Variants in ALK observed in about 807,000 individuals in gnomAD.
The protein encoded by ALK is ALK tyrosine kinase receptor.
A neutral mutation model predicts 163.1 loss-of-function variants in ALK; 74 were observed. The ratio of observed to expected loss-of-function variants is 0.45; its 90% CI spans 0.38 to 0.55. The LOEUF (loss-of-function observed/expected upper bound fraction) is 0.55. Ranked by LOEUF, ALK falls within the 20% of genes least tolerant of loss-of-function variation. The pLI is 0.00. For missense variants in ALK, 2,063 were observed against 2,105.3 expected (o/e 0.98, Z 0.39); for synonymous variants, 960 against 843.2 (o/e 1.14, Z -2.40).
chr2:29,563,860 A>C (rs1047580441), intron 3 of ALK, among the ~76,000 whole-genome samples: 17 of 152,170 alleles, frequency 1.1e-4, no homozygotes, highest in African/African-American at 4.1e-4. Flanking sequence ...TTTTCTAATG[A>C]TTTACAGAAG....
At chr2:29,517,706 A>T (rs976379947) in intron 4 of ALK, among the ~76,000 whole-genome samples, 2 of 152,220 alleles carry the variant, frequency 1.3e-5, no homozygotes, top group African/African-American at 4.8e-5. Context: ...CATGATTATC[A>T]GGATTGCAGC....
intron 28 of ALK, among the ~76,000 whole-genome samples, chr2:29,196,444 C>T (rs1300611663): frequency 6.6e-6 from 1 of 152,148 alleles, no homozygotes; most frequent in Non-Finnish European, 1.5e-5. Context: ...AGATGTGTTC[C>T]ATACGTCTGT....
chr2:29,510,930 G>T (rs1028326494), intron 4 of ALK, among the ~76,000 whole-genome samples: 1 of 152,048 alleles, frequency 6.6e-6, no homozygotes, highest in Admixed American at 6.6e-5. Context: ...CAGACTGAAG[G>T]GTAGGTAAGG....
chr2:29,378,226 T>C (rs1311791477), intron 5 of ALK, among the ~76,000 whole-genome samples: 1 of 152,226 alleles, frequency 6.6e-6, no homozygotes, highest in Non-Finnish European at 1.5e-5. Flanking sequence ...ATTGATTTCT[T>C]AGAAAAATTG....
At chr2:29,441,985 AT>A (rs749324212) in intron 4 of ALK, among the ~76,000 whole-genome samples, 3 of 152,190 alleles carry the variant, frequency 2.0e-5, no homozygotes, top group Non-Finnish European at 2.9e-5. Flanking sequence ...ATTAACACTA[AT>A]TGAGAAGCAG....
intron 11 of ALK, among the ~76,000 whole-genome samples, chr2:29,262,399 C>T (rs1014124675): frequency 1.6e-4 from 25 of 152,150 alleles, no homozygotes; most frequent in African/African-American, 5.8e-4. Flanking sequence ...TGCATGTGCA[C>T]CTGTGAGCGC....
intron 4 of ALK, among the ~76,000 whole-genome samples, chr2:29,484,265 G>C (rs1671729831): frequency 6.6e-6 from 1 of 152,072 alleles, no homozygotes; most frequent in Non-Finnish European, 1.5e-5. Flanking sequence ...TTCTTAACAT[G>C]ATTTCTGTTG....
At chr2:29,856,568 T>C (rs11897887) in intron 1 of ALK, among the ~76,000 whole-genome samples, 1 of 152,192 alleles carries the variant, frequency 6.6e-6, no homozygotes, top group Non-Finnish European at 1.5e-5. Context: ...GAATAGATAT[T>C]GGAACCCAGG....
At chr2:29,895,696 G>A (rs6731938) in intron 1 of ALK, among the ~76,000 whole-genome samples, 103,413 of 152,136 alleles carry the variant, frequency 0.68, 35,919 homozygotes, top group Non-Finnish European at 0.76. Context: ...CAGTGGCTTA[G>A]TTCAGGAGAT....
chr2:29,453,281 G>C (rs1223306577), intron 4 of ALK, among the ~76,000 whole-genome samples: 1 of 152,168 alleles, frequency 6.6e-6, no homozygotes, highest in Non-Finnish European at 1.5e-5. Flanking sequence ...GCCCAGGGTA[G>C]AGTGCAATGG....
At chr2:29,326,844 G>A (rs989353661) in intron 6 of ALK, among the ~76,000 whole-genome samples, 2 of 152,186 alleles carry the variant, frequency 1.3e-5, no homozygotes, top group Non-Finnish European at 2.9e-5. Context: ...GTTTTAAAAC[G>A]TATTTTGGAA....
chr2:29,322,606 G>A (rs1407254543), intron 6 of ALK, among the ~76,000 whole-genome samples: 4 of 152,228 alleles, frequency 2.6e-5, no homozygotes, highest in Non-Finnish European at 4.4e-5. Flanking sequence ...GGCTGAGGCA[G>A]GCAGATCACC....
At chr2:29,278,982 G>T (rs1036940266) in intron 9 of ALK, among the ~76,000 whole-genome samples, 3 of 24,392 alleles carry the variant, frequency 1.2e-4, no homozygotes, top group African/African-American at 1.6e-4. Flanking sequence ...GTGTGCCTGG[G>T]GGGGGGGACA....
At chr2:29,236,598 C>T (rs186931571) in intron 13 of ALK, among the ~76,000 whole-genome samples, 49 of 152,246 alleles carry the variant, frequency 3.2e-4, no homozygotes, top group African/African-American at 1.2e-3. Context: ...GGGTGGGGAG[C>T]GGTCAAGGCT....
At chr2:29,252,931 C>T (rs1664859748) in intron 11 of ALK, among the ~76,000 whole-genome samples, 1 of 151,716 alleles carries the variant, frequency 6.6e-6, no homozygotes, top group South Asian at 2.1e-4. Flanking sequence ...CTGAAACAAT[C>T]TTCCTGCCTT....
At chr2:29,836,447 A>G (rs1157577717) in intron 1 of ALK, among the ~76,000 whole-genome samples, 1 of 152,176 alleles carries the variant, frequency 6.6e-6, no homozygotes, top group Non-Finnish European at 1.5e-5. Flanking sequence ...CATGAAAAAA[A>G]TAGAGATTGG....
chr2:29,274,488 G>A (rs775896790), intron 11 of ALK, among the ~76,000 whole-genome samples: 6 of 152,216 alleles, frequency 3.9e-5, no homozygotes, highest in Non-Finnish European at 7.3e-5. Flanking sequence ...GCGGGGCTAG[G>A]TTCACAGCCG....
At chr2:29,239,917 G>C in intron 12 of ALK, 87 bp from the exon 13 acceptor site, 8 of 1,485,570 alleles carry the variant, frequency 5.4e-6, no homozygotes, top group Admixed American at 1.9e-5. Flanking sequence ...AGTGGGCTAA[G>C]CACATCGCCA....
chr2:29,798,732 C>T (rs10188389), intron 1 of ALK, among the ~76,000 whole-genome samples: 52,172 of 152,006 alleles, frequency 0.34, 11,355 homozygotes, highest in African/African-American at 0.61. Flanking sequence ...TCCTTTAAGC[C>T]GCACTTAGGT....
Sources: gnomAD v4.1 joint callset for allele counts (sites outside exome capture counted in the v4.1 genomes callset) on GRCh38, gnomAD v4.1.1 for gene constraint, MANE v1.5 for transcripts, NCBI Gene and HGNC (gene_info 2026-07-23, HGNC 2026-07-21) for gene names.